Variants in TANC2 observed in about 807,000 individuals in gnomAD.
TANC2 encodes the protein protein TANC2.
Under a neutral mutation model 210.5 loss-of-function variants are expected in TANC2, and 26 were observed. That is an observed-to-expected ratio of 0.12 (90% CI 0.09 to 0.17). TANC2 has a LOEUF of 0.17. Ranked by LOEUF, TANC2 falls within the 10% of genes least tolerant of loss-of-function variation. The probability of loss-of-function intolerance (pLI) is 1.00; values close to 1 mark genes in which losing one functional copy is unlikely to be tolerated. For synonymous variants in TANC2, 931 were observed against 967.1 expected (o/e 0.96, Z 0.69); for missense variants, 2,129 against 2,608.9 (o/e 0.82, Z 4.01).
At chr17:63,005,387 C>G (rs993387933) in intron 1 of TANC2, among the ~76,000 whole-genome samples, 2 of 151,884 alleles carry the variant, frequency 1.3e-5, no homozygotes, top group African/African-American at 2.4e-5. Flanking sequence ...AATGCCCAAG[C>G]CTTTTTGTTG....
chr17:63,288,542 G>C (rs1425122965), intron 9 of TANC2, among the ~76,000 whole-genome samples: 1 of 152,130 alleles, frequency 6.6e-6, no homozygotes, highest in Non-Finnish European at 1.5e-5. Flanking sequence ...TCAGGTATTT[G>C]ATGGTATCGT....
At chr17:63,358,379 A>ATGTGTGTG (rs375498280) in intron 14 of TANC2, among the ~76,000 whole-genome samples, 21,264 of 139,078 alleles carry the variant, frequency 0.15, 1,604 homozygotes, top group Non-Finnish European at 0.19. Context: ...GAGAGAGAGT[A>ATGTGTGTG]TGTGTGTGTG....
intron 1 of TANC2, among the ~76,000 whole-genome samples, chr17:62,997,475 A>G (rs926551845): frequency 6.6e-6 from 1 of 152,178 alleles, no homozygotes; most frequent in Non-Finnish European, 1.5e-5. Context: ...AAATATATGT[A>G]GCTTACTTTT....
At chr17:63,000,077 T>C (rs1331594021) in intron 1 of TANC2, among the ~76,000 whole-genome samples, 1 of 152,148 alleles carries the variant, frequency 6.6e-6, no homozygotes, top group African/African-American at 2.4e-5. Context: ...CAGGGCCTAC[T>C]TGAGGATGGA....
intron 7 of TANC2, among the ~76,000 whole-genome samples, chr17:63,206,019 C>T (rs536089598): frequency 6.6e-6 from 1 of 152,202 alleles, no homozygotes; most frequent in South Asian, 2.1e-4. Flanking sequence ...AACAACAAAC[C>T]ATTTCAAAAA....
At chr17:63,041,686 C>T (rs2035193042) in intron 2 of TANC2, among the ~76,000 whole-genome samples, 1 of 152,012 alleles carries the variant, frequency 6.6e-6, no homozygotes. Flanking sequence ...CTAGAAGAGT[C>T]TCTCTAAAAA....
At chr17:63,313,960 G>A (rs1234551732) in intron 9 of TANC2, among the ~76,000 whole-genome samples, 1 of 152,112 alleles carries the variant, frequency 6.6e-6, no homozygotes, top group Non-Finnish European at 1.5e-5. Flanking sequence ...CCACAGCCTG[G>A]CCTTTCCAAC....
At chr17:63,405,745 A>G (rs1349141255) in intron 20 of TANC2, among the ~76,000 whole-genome samples, 1 of 152,240 alleles carries the variant, frequency 6.6e-6, no homozygotes, top group African/African-American at 2.4e-5. Context: ...AAAAGGCTGT[A>G]GAAGCCAAAC....
chr17:63,149,615 A>G (rs1023142723), intron 4 of TANC2: 1 of 152,152 alleles, frequency 6.6e-6, no homozygotes, highest in Non-Finnish European at 1.5e-5. Flanking sequence ...AAATTACTAT[A>G]TAATCATTTT....
intron 14 of TANC2, among the ~76,000 whole-genome samples, chr17:63,359,537 G>A (rs954289268): frequency 7.9e-5 from 12 of 152,004 alleles, no homozygotes; most frequent in African/African-American, 2.2e-4. Flanking sequence ...TAGTAGAGAC[G>A]GAGTTTCACC....
chr17:63,106,122 T>C (rs1011462564), intron 4 of TANC2, among the ~76,000 whole-genome samples: 3 of 151,500 alleles, frequency 2.0e-5, no homozygotes, highest in African/African-American at 7.3e-5. Flanking sequence ...TGTAAAACAG[T>C]GTAGGATTGG....
In TANC2 at chr17:63,074,027, C is replaced by T; in HGVS notation, c.139+13C>T. The T allele has an allele frequency of 6.4e-7, 1 of 1,555,178 alleles. No individual in the cohort carries two copies. Among genetic ancestry groups the T allele is most frequent in the Non-Finnish European group, 8.7e-7 (1 of 1,149,906 alleles). Reference sequence around the variant, plus strand: ...CGCTCTGGGCAAGGTAAATTTTCATCAGATTGATTATTAAATTTCAAAAAA... The same window carrying T: ...CGCTCTGGGCAAGGTAAATTTTCATTAGATTGATTATTAAATTTCAAAAAA... On this transcript the variant is annotated intron_variant, in intron 3 of 27. Transcript: ENST00000689528.
intron 2 of TANC2, among the ~76,000 whole-genome samples, chr17:63,015,168 C>T (rs1030117727): frequency 5.3e-5 from 8 of 151,504 alleles, no homozygotes; most frequent in Non-Finnish European, 7.4e-5. Flanking sequence ...TTTAAATCAA[C>T]GTAGTCTTTA....
intron 5 of TANC2, among the ~76,000 whole-genome samples, chr17:63,159,244 G>C (rs2039943006): frequency 6.6e-6 from 1 of 152,130 alleles, no homozygotes; most frequent in Non-Finnish European, 1.5e-5. Flanking sequence ...GGATTATTGG[G>C]ACCCATTGAA....
intron 1 of TANC2, among the ~76,000 whole-genome samples, chr17:62,992,125 C>T (rs952860267): frequency 1.3e-5 from 2 of 152,144 alleles, no homozygotes; most frequent in African/African-American, 4.8e-5. Flanking sequence ...TGTGCAAACA[C>T]TGTATCATTT....
chr17:63,043,192 T>C (rs574847751), intron 2 of TANC2, among the ~76,000 whole-genome samples: 2 of 152,164 alleles, frequency 1.3e-5, no homozygotes, highest in East Asian at 3.9e-4. Context: ...TTCACGTATC[T>C]TGTCTCTCAC....
intron 1 of TANC2, among the ~76,000 whole-genome samples, chr17:62,976,212 T>C (rs1445402928): frequency 6.6e-6 from 1 of 152,202 alleles, no homozygotes. Context: ...TTTAATCCTT[T>C]CTATAAAATC....
intron 14 of TANC2, among the ~76,000 whole-genome samples, chr17:63,370,457 C>A (rs990942238): frequency 6.6e-6 from 1 of 151,860 alleles, no homozygotes; most frequent in Non-Finnish European, 1.5e-5. Flanking sequence ...GGATTACAGG[C>A]GTGAGCCACC....
chr17:62,991,380 T>C (rs1302220298), intron 1 of TANC2, among the ~76,000 whole-genome samples: 1 of 152,024 alleles, frequency 6.6e-6, no homozygotes, highest in Non-Finnish European at 1.5e-5. Context: ...GGCTCATGCC[T>C]GTAATCCCAG....
Sources: gnomAD v4.1 joint callset for allele counts (sites outside exome capture counted in the v4.1 genomes callset) on GRCh38, gnomAD v4.1.1 for gene constraint, MANE v1.5 for transcripts, NCBI Gene and HGNC (gene_info 2026-07-23, HGNC 2026-07-21) for gene names.